ZNF287: variants seen among roughly 807,000 people sequenced by gnomAD.
ZNF287 encodes the protein zinc finger protein 287, also known as zinc finger protein with KRAB and SCAN domains 13.
Under a neutral mutation model 73.7 loss-of-function variants are expected in ZNF287, and 31 were observed. The observed-to-expected ratio is 0.42, with a 90% CI of 0.32 to 0.57. The LOEUF (loss-of-function observed/expected upper bound fraction) is 0.57. Among genes scored for constraint, ZNF287 ranks in the 20% least tolerant of loss-of-function variants. The pLI is 0.13. For missense variants in ZNF287, 641 were observed against 909.3 expected (o/e 0.70, Z 3.79); for synonymous variants, 301 against 307.2 (o/e 0.98, Z 0.21).
intron 5 of ZNF287, among the ~76,000 whole-genome samples, chr17:16,561,271 G>A (rs936459773): frequency 6.6e-6 from 1 of 151,686 alleles, no homozygotes; most frequent in Non-Finnish European, 1.5e-5. Flanking sequence ...AGGAGATCAC[G>A]CCACTGCACT....
At position 16,567,697 on chromosome 17, in the gene ZNF287, G is replaced by A; in HGVS notation, c.35C>T (p.Ser12Leu). 1 of 1,613,644 alleles carries A rather than the reference G, an allele frequency of 6.2e-7. No individual in the cohort carries two copies. The highest frequency in any genetic ancestry group is 8.5e-7 in the Non-Finnish European group (1 of 1,179,742). ...LASSKRMNSS[S>L]RSQILLRWKS... The stretch of plus-strand genomic sequence containing the variant: ...CCACCTTAGAAGGATTTGAGAACGT[G>A]AAGAACTGTTCATCCTCTTGCTTGA... The change falls in exon 2 of 6, where the codon TCA (serine) becomes TTA (leucine). Residue 12 changes from serine (S) to leucine (L), a missense_variant. Ser to Leu is a moderately radical substitution (Grantham distance 145). This residue lies in a region of ZNF287 where 357 missense variants were observed against 442.4 expected (regional missense o/e 0.81). Transcript: ENST00000395825.
intron 5 of ZNF287, among the ~76,000 whole-genome samples, chr17:16,559,572 A>AACACACACACACACACACACACAC (rs148356389): frequency 3.9e-4 from 57 of 147,478 alleles, no homozygotes; most frequent in African/African-American, 1.4e-3. Context: ...TAAAAGAACT[A>AACACACACACACACACACACACAC]ACACACACAC....
In ZNF287 at chr17:16,547,485, T is replaced by C. The variant is rs964989006; in HGVS notation, c.*4371A>G. On this transcript the variant is annotated 3_prime_UTR_variant, in exon 6 of 6. Transcript: ENST00000395825. The stretch of plus-strand genomic sequence containing the variant: ...TGTTCTCTCCAATTTAGGTGCATGC[T>C]TAACAAGATTTAGTTGTTTGCACCC... 6.6e-6 allele frequency among the ~76,000 whole-genome samples: 1 copy of C among 152,236 alleles called. No homozygotes were observed. Among genetic ancestry groups the C allele is most frequent in the African/African-American group, 2.4e-5 (1 of 41,462 alleles).
At chr17:16,561,143 G>A (rs1220826458) in intron 5 of ZNF287, among the ~76,000 whole-genome samples, 3 of 152,042 alleles carry the variant, frequency 2.0e-5, no homozygotes, top group South Asian at 2.1e-4. Flanking sequence ...TGGTGACACC[G>A]TCTCTACTAA....
Position 16,549,962 on chromosome 17 carries a change from T to G in ZNF287, c.*1894A>C, listed in dbSNP as rs1906538616. On this transcript the variant is annotated 3_prime_UTR_variant, in exon 6 of 6. Transcript: ENST00000395825. ...TACTTTATTACTGAAATCTAATTTA[T>G]ATAATTTATTCATTAATTCAACCAT... 6.6e-6 allele frequency among the ~76,000 whole-genome samples: 1 copy of G among 152,226 alleles called. No individual in the cohort carries two copies.
chr17:16,565,671 T>G (rs985734310), intron 3 of ZNF287, among the ~76,000 whole-genome samples: 7 of 152,132 alleles, frequency 4.6e-5, no homozygotes, highest in African/African-American at 1.4e-4. Context: ...TAAGGTATCT[T>G]GAGTTACTAT....
rs1432801556 is a variant in ZNF287, at chr17:16,549,238, G to A, written c.*2618C>T. On this transcript the variant is annotated 3_prime_UTR_variant, in exon 6 of 6. Coordinates refer to ENST00000395825, the MANE Select transcript of ZNF287 (RefSeq NM_020653.4). ...GCGGGTCAGACAACTGTAAAAGTGGGAAAAATACACAAAGATCTAGGGTTC... is the reference window on the plus strand; with the variant it reads ...GCGGGTCAGACAACTGTAAAAGTGGAAAAAATACACAAAGATCTAGGGTTC... 6.6e-6 allele frequency among the ~76,000 whole-genome samples: 1 copy of A among 152,102 alleles called. No individual in the cohort carries two copies. The highest frequency in any genetic ancestry group is 2.4e-5 in the African/African-American group (1 of 41,436).
intron 5 of ZNF287, among the ~76,000 whole-genome samples, chr17:16,557,741 A>G (rs1252034908): frequency 6.6e-6 from 1 of 152,164 alleles, no homozygotes; most frequent in African/African-American, 2.4e-5. Context: ...GCTAGAAGAC[A>G]AAGGCTGGGG....
intron 5 of ZNF287, among the ~76,000 whole-genome samples, chr17:16,553,885 T>C (rs1906866727): frequency 6.6e-6 from 1 of 152,208 alleles, no homozygotes; most frequent in African/African-American, 2.4e-5. Flanking sequence ...AAATCTCCCA[T>C]GGCCTAAAAC....
Position 16,552,924 on chromosome 17 carries a change from C to A in ZNF287, c.1218G>T (p.Arg406Ser), listed in dbSNP as rs1399337464. 3.7e-6 allele frequency: 6 copies of A among 1,614,108 alleles called. No individual in the cohort carries two copies. Among genetic ancestry groups the A allele is most frequent in the Non-Finnish European group, 5.1e-6 (6 of 1,180,006 alleles). Residue 406 changes from arginine to serine, a missense_variant, in exon 6 of 6, where the codon AGG becomes AGT. By Grantham distance (110) the Arg-to-Ser change is moderately radical. Transcript: ENST00000395825. The surrounding 1 kb of genome is among the most constrained non-coding windows in gnomAD (Gnocchi z 6.5). ...GATGTGCAATAAGGGATGAGATATGCCTAAACTCTTTCCCACATTCTTCAC... is the reference window on the plus strand; with the variant it reads ...GATGTGCAATAAGGGATGAGATATGACTAAACTCTTTCCCACATTCTTCAC... ...YECEECGKEF[R>S]HISSLIAHQR...
intron 5 of ZNF287, among the ~76,000 whole-genome samples, chr17:16,561,527 A>T (rs1907452039): frequency 6.6e-6 from 1 of 152,206 alleles, no homozygotes; most frequent in African/African-American, 2.4e-5. Context: ...CAAACTGAGC[A>T]TCACCAATGA....
chr17:16,569,192 C>G lies in ZNF287; in HGVS notation c.-439G>C, dbSNP rs1024826733. 2.6e-5 allele frequency: 4 copies of G among 152,426 alleles called. No homozygotes were observed. Among genetic ancestry groups the G allele is most frequent in the Non-Finnish European group, 5.9e-5 (4 of 68,200 alleles). 9.4% of individuals were successfully genotyped at this position (152,426 alleles called of 1,614,324 possible). A position where few individuals can be genotyped will look rare whatever the true frequency, so the allele number is the denominator to read the frequency against. On this transcript the variant is annotated 5_prime_UTR_variant, in exon 1 of 6. Transcript: ENST00000395825. ...GCGCCTCTGCTTAGCCGCGACCTCG[C>G]CTCGGCGTCACTGCGCATGTGCGCC... is the stretch of plus-strand genomic sequence containing the variant.
chr17:16,566,840 G>A (rs1907773031), intron 2 of ZNF287, among the ~76,000 whole-genome samples: 2 of 152,154 alleles, frequency 1.3e-5, no homozygotes, highest in African/African-American at 2.4e-5. Flanking sequence ...ATCTTAAAGA[G>A]TATGAACAAA....
At position 16,548,403 on chromosome 17, in the gene ZNF287, T is replaced by C. The variant is rs1011731913; in HGVS notation, c.*3453A>G. The stretch of plus-strand genomic sequence containing the variant: ...TCAAGCCTTTTGCCCTAACTTCTAA[T>C]TTATGGAAACTACAGGGGGTACCGG... On this transcript the variant is annotated 3_prime_UTR_variant, in exon 6 of 6. Coordinates refer to ENST00000395825, the MANE Select transcript of ZNF287 (RefSeq NM_020653.4). Among the ~76,000 whole-genome samples the C allele has an allele frequency of 6.6e-6, 1 of 152,126 alleles. No individual in the cohort carries two copies. The highest frequency in any genetic ancestry group is 1.9e-4 in the East Asian group (1 of 5,188).
In ZNF287 at chr17:16,551,834, G is replaced by A. The variant is rs1026693179; in HGVS notation, c.*22C>T. 39 of 1,546,924 alleles carry A rather than the reference G, an allele frequency of 2.5e-5. No homozygotes were observed. The highest frequency in any genetic ancestry group is 1.7e-4 in the Middle Eastern group (1 of 5,746). ...AAAATTGAAACAAAGTTGTAAAACC[G>A]AATTGAAGTTTCCCTTATCCATTAA... On this transcript the variant is annotated 3_prime_UTR_variant, in exon 6 of 6. Transcript: ENST00000395825.
intron 5 of ZNF287, among the ~76,000 whole-genome samples, chr17:16,556,732 A>G (rs1473879752): frequency 6.6e-6 from 1 of 152,226 alleles, no homozygotes; most frequent in African/African-American, 2.4e-5. Context: ...ACTTCTATGC[A>G]ATCAGTATCA....
chr17:16,553,321 T>C lies in ZNF287; in HGVS notation c.821A>G (p.Asp274Gly). Residue 274 changes from aspartate (D) to glycine (G), a missense_variant, in exon 6 of 6, where the codon GAT (aspartate) becomes GGT (glycine). Physicochemically the swap from Asp to Gly is moderately conservative, Grantham distance 94. Coordinates refer to ENST00000395825, the MANE Select transcript of ZNF287 (RefSeq NM_020653.4). The part of the protein sequence containing the change: ...IKLEDSYDYD[D>G]RLERRGKGGF... ...ACCTTTTCCTCGCCTCTCTAGTCTA[T>C]CATCGTAGTCATATGAGTCTTCTAA... 8 of 1,613,872 alleles carry C rather than the reference T, an allele frequency of 5.0e-6. No individual in the cohort carries two copies. Among genetic ancestry groups the C allele is most frequent in the Non-Finnish European group, 8.5e-7 (1 of 1,179,842 alleles).
At chr17:16,555,639 C>A (rs1907002377) in intron 5 of ZNF287, among the ~76,000 whole-genome samples, 1 of 150,664 alleles carries the variant, frequency 6.6e-6, no homozygotes, top group Non-Finnish European at 1.5e-5. Context: ...CACACACACA[C>A]ACCCCAAACC....
chr17:16,568,100 T>A (rs1907865183), intron 1 of ZNF287, 171 bp from the exon 2 acceptor site: 1 of 439,048 alleles, frequency 2.3e-6, no homozygotes, highest in Non-Finnish European at 3.1e-6. Flanking sequence ...TGCTTGGGGT[T>A]GGTGGGGGAT....
Sources: gnomAD v4.1 joint callset for allele counts (sites outside exome capture counted in the v4.1 genomes callset) on GRCh38, gnomAD v4.1.1 for gene constraint, gnomAD v4.1.1 regional missense constraint, Gnocchi (gnomAD v3.1) non-coding constraint, MANE v1.5 for transcripts, NCBI Gene and HGNC (gene_info 2026-07-23, HGNC 2026-07-21) for gene names.